The following CCSER1 variants were observed in gnomAD, a reference collection of about 807,000 sequenced individuals.
CCSER1 encodes serine-rich coiled-coil domain-containing protein 1.
In CCSER1, 41 loss-of-function variants were observed where a neutral mutation model predicts 82.0. The ratio of observed to expected loss-of-function variants is 0.50; its 90% confidence interval spans 0.39 to 0.65. The LOEUF (loss-of-function observed/expected upper bound fraction) is 0.65. Ranked by LOEUF, CCSER1 falls within the 30% of genes least tolerant of loss-of-function variation. The probability of loss-of-function intolerance (pLI) is 0.00; values close to 1 mark genes in which losing one functional copy is unlikely to be tolerated. For synonymous variants in CCSER1, 414 were observed against 383.9 expected (o/e 1.08, Z -0.92); for missense variants, 1,119 against 1,064.2 (o/e 1.05, Z -0.72).
intron 8 of CCSER1, among the ~76,000 whole-genome samples, chr4:90,822,101 AAGTT>A (rs1279946397): frequency 2.0e-5 from 3 of 152,180 alleles, no homozygotes; most frequent in African/African-American, 4.8e-5. Flanking sequence ...TTTTTTAAGT[AAGTT>A]AGAGTTAAAT....
intron 10 of CCSER1, among the ~76,000 whole-genome samples, chr4:91,488,999 A>T (rs78421242): frequency 0.016 from 2,379 of 152,192 alleles, 59 homozygotes; most frequent in African/African-American, 0.054. Flanking sequence ...GGAAGAAAGC[A>T]TTATTTTGTA....
intron 5 of CCSER1, among the ~76,000 whole-genome samples, chr4:90,586,881 T>G (rs1290870731): frequency 6.6e-6 from 1 of 152,234 alleles, no homozygotes. Context: ...GTCTCTTCTC[T>G]AACTGTGAAT....
At chr4:91,090,325 C>G (rs1335682318) in intron 10 of CCSER1, among the ~76,000 whole-genome samples, 2 of 152,108 alleles carry the variant, frequency 1.3e-5, no homozygotes, top group Non-Finnish European at 2.9e-5. Context: ...GTCCACATAT[C>G]CAGTATAACC....
chr4:90,182,821 C>T (rs1733959684), intron 1 of CCSER1, among the ~76,000 whole-genome samples: 2 of 151,912 alleles, frequency 1.3e-5, no homozygotes, highest in South Asian at 4.2e-4. Flanking sequence ...GCATTTGTCT[C>T]TGACACTTGA....
chr4:90,699,695 C>T (rs116770598), intron 6 of CCSER1, among the ~76,000 whole-genome samples: 1 of 152,188 alleles, frequency 6.6e-6, no homozygotes, highest in Non-Finnish European at 1.5e-5. Context: ...GCAGCTTCTG[C>T]CTTCTGCTGT....
At chr4:90,566,695 A>T (rs551197186) in intron 5 of CCSER1, among the ~76,000 whole-genome samples, 128 of 150,218 alleles carry the variant, frequency 8.5e-4, no homozygotes, top group Non-Finnish European at 1.3e-3. Context: ...GTCCGCCTCC[A>T]GGGTTCACGC....
At chr4:90,694,221 A>C (rs904393697) in intron 6 of CCSER1, among the ~76,000 whole-genome samples, 2 of 151,566 alleles carry the variant, frequency 1.3e-5, no homozygotes, top group African/African-American at 4.8e-5. Context: ...AATAATTATT[A>C]AGCATCTGTC....
intron 5 of CCSER1, among the ~76,000 whole-genome samples, chr4:90,610,961 C>A (rs762652874): frequency 6.6e-6 from 1 of 151,954 alleles, no homozygotes; most frequent in Non-Finnish European, 1.5e-5. Flanking sequence ...TCACTGCAAC[C>A]TCCCCTTCCA....
At chr4:91,082,710 A>T (rs1409856152) in intron 9 of CCSER1, among the ~76,000 whole-genome samples, 1 of 152,144 alleles carries the variant, frequency 6.6e-6, no homozygotes, top group Non-Finnish European at 1.5e-5. Context: ...AAACAGATTT[A>T]CAAGAAAAAA....
At chr4:91,173,818 A>G (rs1247823770) in intron 10 of CCSER1, among the ~76,000 whole-genome samples, 1 of 152,180 alleles carries the variant, frequency 6.6e-6, no homozygotes, top group African/African-American at 2.4e-5. Flanking sequence ...AGAAGAACAA[A>G]TGGGAGAAAA....
chr4:90,460,135 G>T (rs1762695531), intron 4 of CCSER1, among the ~76,000 whole-genome samples: 1 of 149,866 alleles, frequency 6.7e-6, no homozygotes, highest in Admixed American at 6.6e-5. Flanking sequence ...GACCATCCTG[G>T]CTAACACGGT....
chr4:90,887,832 A>C (rs1158335467), intron 8 of CCSER1, among the ~76,000 whole-genome samples: 2 of 152,152 alleles, frequency 1.3e-5, no homozygotes, highest in Non-Finnish European at 2.9e-5. Flanking sequence ...CAGTGAGCTG[A>C]GATCGCGCCA....
At chr4:90,307,595 A>G (rs1333771706) in intron 1 of CCSER1, among the ~76,000 whole-genome samples, 5 of 151,888 alleles carry the variant, frequency 3.3e-5, no homozygotes, top group South Asian at 2.1e-4. Context: ...ACATGAATAC[A>G]TATGTAACTA....
At chr4:91,027,291 C>A (rs1475587006) in intron 9 of CCSER1, among the ~76,000 whole-genome samples, 1 of 151,902 alleles carries the variant, frequency 6.6e-6, no homozygotes. Context: ...GACACATAAT[C>A]CTAAAATTAG....
intron 10 of CCSER1, among the ~76,000 whole-genome samples, chr4:91,326,208 A>G (rs1169888111): frequency 6.6e-6 from 1 of 152,210 alleles, no homozygotes; most frequent in Non-Finnish European, 1.5e-5. Context: ...ATTGCTATAA[A>G]GAACTACCCG....
intron 1 of CCSER1, among the ~76,000 whole-genome samples, chr4:90,304,468 A>G (rs1215058931): frequency 9.9e-5 from 15 of 152,248 alleles, no homozygotes; most frequent in Middle Eastern, 3.2e-3. Context: ...CTATGCAGCC[A>G]TAAAAAATGA....
chr4:90,707,930 A>G (rs1198803415), intron 6 of CCSER1, among the ~76,000 whole-genome samples: 1 of 152,136 alleles, frequency 6.6e-6, no homozygotes, highest in East Asian at 1.9e-4. Flanking sequence ...CAAGCTGCCA[A>G]TATTATCCTA....
chr4:90,281,501 A>G (rs1215775695), intron 1 of CCSER1, among the ~76,000 whole-genome samples: 2 of 152,074 alleles, frequency 1.3e-5, no homozygotes, highest in African/African-American at 2.4e-5. Flanking sequence ...AGTTAAAAAA[A>G]TAATTTTTTC....
intron 5 of CCSER1, among the ~76,000 whole-genome samples, chr4:90,622,562 T>A (rs1722517255): frequency 6.6e-6 from 1 of 152,174 alleles, no homozygotes; most frequent in Non-Finnish European, 1.5e-5. Flanking sequence ...AATGATGGTT[T>A]CCAGCTTCAT....
Sources: gnomAD v4.1 joint callset for allele counts (sites outside exome capture counted in the v4.1 genomes callset) on GRCh38, gnomAD v4.1.1 for gene constraint, MANE v1.5 for transcripts, NCBI Gene and HGNC (gene_info 2026-07-23, HGNC 2026-07-21) for gene names.